The following KCNH1 variants were observed in gnomAD, a reference collection of about 807,000 sequenced individuals.
KCNH1 encodes voltage-gated delayed rectifier potassium channel KCNH1.
In KCNH1, 27 loss-of-function variants were observed where a neutral mutation model predicts 69.2. The observed-to-expected ratio is 0.39, with a 90% confidence interval of 0.29 to 0.54. The LOEUF (loss-of-function observed/expected upper bound fraction) is 0.54, where lower values mean the gene tolerates loss of function less well. Ranked by LOEUF, KCNH1 falls within the 20% of genes least tolerant of loss-of-function variation. The pLI, the probability that KCNH1 is intolerant of heterozygous loss-of-function variation, is 0.68. For missense variants in KCNH1, 798 were observed against 1,261.6 expected, an observed-to-expected ratio of 0.63 and a Z score of 5.57; for synonymous variants, 456 against 487.7, an observed-to-expected ratio of 0.93 and a Z score of 0.86.
At chr1:210,746,960 C>G (rs778677232) in intron 10 of KCNH1, among the ~76,000 whole-genome samples, 13 of 152,218 alleles carry the variant, frequency 8.5e-5, no homozygotes, top group Non-Finnish European at 1.8e-4. Context: ...GCACAGCCCT[C>G]TCTGGCTTTG....
intron 10 of KCNH1, among the ~76,000 whole-genome samples, chr1:210,701,998 A>T (rs1225865540): frequency 6.6e-6 from 1 of 152,232 alleles, no homozygotes; most frequent in African/African-American, 2.4e-5. Flanking sequence ...TCACACTTGA[A>T]TAATAATTTG....
At chr1:210,799,987 G>T (rs1684398782) in intron 8 of KCNH1, among the ~76,000 whole-genome samples, 1 of 152,178 alleles carries the variant, frequency 6.6e-6, no homozygotes, top group African/African-American at 2.4e-5. Flanking sequence ...CCTATAAAAT[G>T]CAGACTGTTA....
intron 5 of KCNH1, among the ~76,000 whole-genome samples, chr1:211,046,429 G>A (rs531725346): frequency 1.5e-4 from 23 of 152,248 alleles, no homozygotes; most frequent in Non-Finnish European, 2.9e-4. Flanking sequence ...CCCCAGGAGC[G>A]AGGGTGTTAT....
chr1:211,116,741 C>G (rs181312839), intron 1 of KCNH1, among the ~76,000 whole-genome samples: 286 of 152,276 alleles, frequency 1.9e-3, no homozygotes, highest in Non-Finnish European at 3.3e-3. Flanking sequence ...TTGTGGTACT[C>G]AGAACCTATA....
intron 10 of KCNH1, among the ~76,000 whole-genome samples, chr1:210,769,366 A>G (rs1683707056): frequency 6.6e-6 from 1 of 152,196 alleles, no homozygotes; most frequent in Non-Finnish European, 1.5e-5. Flanking sequence ...CTAGAAATGT[A>G]CATATGGTAT....
intron 9 of KCNH1, among the ~76,000 whole-genome samples, chr1:210,796,923 A>G (rs1243693454): frequency 4.6e-5 from 7 of 152,078 alleles, no homozygotes; most frequent in African/African-American, 7.2e-5. Flanking sequence ...GGATCCCCCA[A>G]ATAAAATCCC....
chr1:211,038,303 G>C lies in KCNH1; in HGVS notation c.559-19047C>G, dbSNP rs539586631. 5.3e-5 allele frequency among the ~76,000 whole-genome samples: 8 copies of C among 152,174 alleles called. No homozygotes were observed. In the South Asian group the frequency reaches 1.7e-3, roughly 32 times the overall value. On this transcript the variant is annotated intron_variant, in intron 5 of 10. Coordinates refer to ENST00000271751, the MANE Select transcript of KCNH1 (RefSeq NM_172362.3). Reference sequence around the variant, plus strand: ...TCTTGCTGCATTTGCCTGCCACCATGATTCTGAGGCCTCCCCAGCTATGTG... The same window carrying C: ...TCTTGCTGCATTTGCCTGCCACCATCATTCTGAGGCCTCCCCAGCTATGTG...
intron 9 of KCNH1, among the ~76,000 whole-genome samples, chr1:210,785,103 C>T (rs1486872558): frequency 6.6e-6 from 1 of 152,006 alleles, no homozygotes; most frequent in Non-Finnish European, 1.5e-5. Context: ...ACAAAATGTC[C>T]ATATGTGTGT....
chr1:210,851,397 G>A (rs528043869), intron 7 of KCNH1, among the ~76,000 whole-genome samples: 15 of 152,270 alleles, frequency 9.9e-5, no homozygotes, highest in Non-Finnish European at 2.2e-4. Context: ...AATGTCACAC[G>A]ACACCGTAAA....
At chr1:211,041,189 T>TG (rs1689989138) in intron 5 of KCNH1, among the ~76,000 whole-genome samples, 1 of 152,202 alleles carries the variant, frequency 6.6e-6, no homozygotes, top group Non-Finnish European at 1.5e-5. Context: ...GACTACTGCC[T>TG]CCACTTGCTA....
chr1:210,775,580 C>T, intron 9 of KCNH1, 36 bp from the exon 10 acceptor site: 3 of 1,555,204 alleles, frequency 1.9e-6, no homozygotes, highest in Non-Finnish European at 2.7e-6. Context: ...AAAGTGTTGG[C>T]CAGGAGAGGT....
At chr1:210,986,915 G>A (rs1688849622) in intron 6 of KCNH1, among the ~76,000 whole-genome samples, 1 of 152,204 alleles carries the variant, frequency 6.6e-6, no homozygotes, top group African/African-American at 2.4e-5. Context: ...TCACTTTCAG[G>A]TATACCAGTC....
chr1:210,920,536 G>A (rs1687437575), intron 6 of KCNH1, among the ~76,000 whole-genome samples: 1 of 151,940 alleles, frequency 6.6e-6, no homozygotes. Flanking sequence ...AAAATGGTTG[G>A]GAAATACACC....
In KCNH1 at chr1:210,879,867, C is replaced by A. The variant is rs1334625179; in HGVS notation, c.1462+39773G>T. ...AATCTGAAAGAACTGACAAAAAAAT[C>A]TTTTGGAATTAATAGATTATTATTG... On this transcript the variant is annotated intron_variant, in intron 7 of 10. Coordinates refer to ENST00000271751, the MANE Select transcript of KCNH1 (RefSeq NM_172362.3). 2.0e-5 allele frequency among the ~76,000 whole-genome samples: 3 copies of A among 152,092 alleles called. No individual in the cohort carries two copies. The East Asian group carries it at 5.8e-4, about 29-fold the overall frequency.
In KCNH1 at chr1:210,860,301, G is replaced by A. The variant is rs753711136; in HGVS notation, c.1463-56135C>T. On this transcript the variant is annotated intron_variant, in intron 7 of 10. Coordinates refer to ENST00000271751, the MANE Select transcript of KCNH1 (RefSeq NM_172362.3). Reference sequence around the variant, plus strand: ...GTGGAGACACTTGTTGACATGTCAGGCTATGCGCTAAAGAGATGTCCTCAT... The same window carrying A: ...GTGGAGACACTTGTTGACATGTCAGACTATGCGCTAAAGAGATGTCCTCAT... 3.0e-6 allele frequency: 4 copies of A among 1,346,002 alleles called. No homozygotes were observed. In the Admixed American group the frequency reaches 5.0e-5, roughly 17 times the overall value. 83.4% of individuals were successfully genotyped at this position (1,346,002 alleles called of 1,614,324 possible). A position where few individuals can be genotyped will look rare whatever the true frequency, so the allele number is the denominator to read the frequency against.
intron 7 of KCNH1, among the ~76,000 whole-genome samples, chr1:210,879,147 G>C (rs1686442260): frequency 1.3e-5 from 2 of 152,070 alleles, no homozygotes; most frequent in African/African-American, 2.4e-5. Context: ...AAAACAGAAA[G>C]CACCAGACAC....
chr1:210,905,682 C>T (rs1056490305), intron 7 of KCNH1, among the ~76,000 whole-genome samples: 1 of 151,964 alleles, frequency 6.6e-6, no homozygotes, highest in African/African-American at 2.4e-5. Context: ...AACTGGCCTA[C>T]CCTCTCGGTG....
intron 5 of KCNH1, among the ~76,000 whole-genome samples, chr1:211,040,605 TC>T (rs1242613013): frequency 6.6e-6 from 1 of 152,198 alleles, no homozygotes; most frequent in African/African-American, 2.4e-5. Context: ...TATGTCTTTA[TC>T]AGCAGCATGA....
chr1:210,854,871 T>C (rs1391509552), intron 7 of KCNH1, among the ~76,000 whole-genome samples: 2 of 152,170 alleles, frequency 1.3e-5, no homozygotes, highest in Non-Finnish European at 2.9e-5. Flanking sequence ...CATATATGTA[T>C]AGATACTGAA....
Sources: allele counts gnomAD v4.1 joint callset (sites outside exome capture counted in the v4.1 genomes callset), GRCh38; gene constraint gnomAD v4.1.1; transcripts MANE v1.5; gene names NCBI Gene and HGNC (gene_info 2026-07-23, HGNC 2026-07-21).